PCDH15: variants seen among roughly 807,000 people sequenced by gnomAD.
The protein encoded by PCDH15 is protocadherin related 15, also known as protocadherin-15.
Under a neutral mutation model 178.5 loss-of-function variants are expected in PCDH15, and 129 were observed. The ratio of observed to expected loss-of-function variants is 0.72; its 90% CI spans 0.63 to 0.84. The LOEUF is 0.84. Among genes scored for constraint, PCDH15 ranks in the 40% least tolerant of loss-of-function variants. The pLI is 0.00. For synonymous variants in PCDH15, 800 were observed against 732.0 expected (o/e 1.09, Z -1.50); for missense variants, 2,230 against 2,099.9 (o/e 1.06, Z -1.21).
intron 11 of PCDH15, among the ~76,000 whole-genome samples, chr10:54,185,694 G>A (rs894436695): frequency 5.3e-5 from 8 of 152,014 alleles, no homozygotes; most frequent in African/African-American, 1.9e-4. Flanking sequence ...TTCATTTATA[G>A]TAATAAACTG....
chr10:54,726,850 A>AG (rs200512048), intron 1 of PCDH15, among the ~76,000 whole-genome samples: 17,482 of 150,116 alleles, frequency 0.12, 1,113 homozygotes, highest in African/African-American at 0.16. Flanking sequence ...CGGATTAAAA[A>AG]GAAGAAAAAA....
At chr10:54,911,817 G>A (rs899911138) in intron 2 of PCDH15, among the ~76,000 whole-genome samples, 1 of 152,120 alleles carries the variant, frequency 6.6e-6, no homozygotes, top group African/African-American at 2.4e-5. Context: ...GATGTGCCTT[G>A]TTTCCCTTCA....
chr10:53,991,161 C>T lies in PCDH15; in HGVS notation c.2868+4488G>A, dbSNP rs568264748. On this transcript the variant is annotated intron_variant, in intron 21 of 37. Transcript: ENST00000644397. ...GTGCTGCCCCCTGCTCCATGGCGCC[C>T]GGTCCCATCAACTGCCCAAGGGCTG... Among the ~76,000 whole-genome samples, 263 of 152,256 alleles carry T rather than the reference C, an allele frequency of 1.7e-3. 1 individual carries two copies. The highest frequency in any genetic ancestry group is 3.4e-3 in the Non-Finnish European group (231 of 68,012).
At chr10:54,497,388 A>G (rs1007206219) in intron 3 of PCDH15, among the ~76,000 whole-genome samples, 1 of 152,174 alleles carries the variant, frequency 6.6e-6, no homozygotes, top group Non-Finnish European at 1.5e-5. Flanking sequence ...TATAAAACCC[A>G]GAGTGTCTTT....
chr10:55,379,990 A>G (rs1010539666), intron 2 of PCDH15, among the ~76,000 whole-genome samples: 2 of 152,170 alleles, frequency 1.3e-5, no homozygotes, highest in Non-Finnish European at 2.9e-5. Context: ...CAATAATCCA[A>G]TGAAAGTCAA....
chr10:55,294,796 T>C (rs936010443), intron 1 of PCDH15, among the ~76,000 whole-genome samples: 1 of 152,212 alleles, frequency 6.6e-6, no homozygotes, highest in African/African-American at 2.4e-5. Flanking sequence ...CCAAGGTTAC[T>C]GCATTTCATA....
At chr10:54,215,975 G>A (rs747850940) in intron 9 of PCDH15, among the ~76,000 whole-genome samples, 23 of 132,928 alleles carry the variant, frequency 1.7e-4, no homozygotes, top group Non-Finnish European at 2.8e-4. Context: ...CCCGGGAGGC[G>A]GAGCTTGCAG....
chr10:54,071,648 A>G (rs577361551), intron 17 of PCDH15, among the ~76,000 whole-genome samples: 1 of 152,270 alleles, frequency 6.6e-6, no homozygotes, highest in Admixed American at 6.5e-5. Context: ...ACATGGTTTA[A>G]GAAACATGTA....
chr10:54,176,616 C>T (rs1056773591), intron 13 of PCDH15, among the ~76,000 whole-genome samples: 1 of 152,086 alleles, frequency 6.6e-6, no homozygotes, highest in Non-Finnish European at 1.5e-5. Context: ...CATAGATGTC[C>T]TTGACTGTAT....
chr10:55,451,867 T>G (rs1287537898), intron 2 of PCDH15, among the ~76,000 whole-genome samples: 1 of 152,356 alleles, frequency 6.6e-6, no homozygotes, highest in Non-Finnish European at 1.5e-5. Flanking sequence ...CACTTGAAAT[T>G]ACACAGCTTT....
intron 13 of PCDH15, 121 bp from the exon 14 acceptor site, chr10:54,153,414 C>T (rs1358623153): frequency 5.6e-6 from 6 of 1,062,942 alleles, no homozygotes; most frequent in Non-Finnish European, 8.4e-6. Flanking sequence ...GTTTCCTTGA[C>T]ATATATACTG....
At chr10:54,114,183 T>C (rs571083368) in intron 15 of PCDH15, among the ~76,000 whole-genome samples, 14 of 152,296 alleles carry the variant, frequency 9.2e-5, no homozygotes, top group Non-Finnish European at 1.3e-4. Context: ...TTCTATAGTG[T>C]ATTTATTATA....
chr10:54,957,448 G>GT, intron 2 of PCDH15, among the ~76,000 whole-genome samples: 1 of 151,534 alleles, frequency 6.6e-6, no homozygotes, highest in African/African-American at 2.4e-5. Flanking sequence ...AGGATAAAAG[G>GT]TTTTTTTCCT....
intron 1 of PCDH15, among the ~76,000 whole-genome samples, chr10:55,246,898 C>T (rs953225756): frequency 2.0e-5 from 3 of 151,864 alleles, no homozygotes; most frequent in African/African-American, 4.8e-5. Context: ...GCAAAATATC[C>T]CCTTTGGTCT....
At chr10:54,894,936 CTAAA>C (rs1438614015) in intron 3 of PCDH15, among the ~76,000 whole-genome samples, 2 of 152,126 alleles carry the variant, frequency 1.3e-5, no homozygotes, top group African/African-American at 4.8e-5. Flanking sequence ...ACTGAGAATA[CTAAA>C]TATTTTCTTA....
chr10:54,449,296 G>A (rs142706915), intron 3 of PCDH15, among the ~76,000 whole-genome samples: 2 of 151,800 alleles, frequency 1.3e-5, no homozygotes, highest in East Asian at 1.9e-4. Context: ...TTTCCTTTCA[G>A]TCTTGATATC....
intron 10 of PCDH15, among the ~76,000 whole-genome samples, chr10:54,202,823 A>AAG (rs564787869): frequency 0.15 from 23,098 of 149,878 alleles, 3,977 homozygotes; most frequent in African/African-American, 0.42. Flanking sequence ...AAAAAAAAAA[A>AAG]AAAAAAAAGT....
At chr10:54,673,534 G>T (rs1454994491) in intron 1 of PCDH15, among the ~76,000 whole-genome samples, 1 of 152,060 alleles carries the variant, frequency 6.6e-6, no homozygotes, top group African/African-American at 2.4e-5. Flanking sequence ...CTCCTCCTGG[G>T]TTCAAGCGAT....
intron 1 of PCDH15, among the ~76,000 whole-genome samples, chr10:54,748,757 T>C (rs956934752): frequency 4.6e-5 from 7 of 152,222 alleles, no homozygotes; most frequent in African/African-American, 1.7e-4. Context: ...GCTCATATTA[T>C]AATCTTCTGC....
Sources: gnomAD v4.1 joint callset for allele counts (sites outside exome capture counted in the v4.1 genomes callset) on GRCh38, gnomAD v4.1.1 for gene constraint, MANE v1.5 for transcripts, NCBI Gene and HGNC (gene_info 2026-07-23, HGNC 2026-07-21) for gene names.